The following RHEBL1 variants were observed in gnomAD, a reference collection of about 807,000 sequenced individuals.
RHEBL1 encodes the protein RHEB like 1.
A neutral mutation model predicts 27.4 loss-of-function variants in RHEBL1; 22 were observed. That is an observed-to-expected ratio of 0.80 (90% CI 0.57 to 1.15). The LOEUF is 1.15. Ranked by LOEUF, RHEBL1 falls within the 50% of genes most tolerant of loss-of-function variation. The pLI is 0.00. For synonymous variants in RHEBL1, 85 were observed against 80.8 expected (o/e 1.05, Z -0.28); for missense variants, 186 against 226.5 (o/e 0.82, Z 1.15).
rs1256289022 is a variant in RHEBL1 at position 49,064,935 on chromosome 12, C to A, written c.*168G>T. ...CCCTTTGTAAACATTGACATCCAGG[C>A]CACTGGAGCCTGGGGAAAGTGTGCA... is the stretch of plus-strand genomic sequence containing the variant. On this transcript the variant is annotated 3_prime_UTR_variant, in exon 8 of 8. Coordinates refer to ENST00000301068, the MANE Select transcript of RHEBL1 (RefSeq NM_144593.3). 1.1e-5 allele frequency: 7 copies of A among 610,820 alleles called. No individual in the cohort carries two copies. The highest frequency in any genetic ancestry group is 4.3e-4 in the Middle Eastern group (1 of 2,336). The allele number at this position is 610,820 out of a possible 1,614,324, so 37.8% of individuals were successfully genotyped here.
At chr12:49,069,145 A>C (rs1028041602) in intron 1 of RHEBL1, 39 bp from the exon 2 acceptor site, 2 of 1,613,834 alleles carry the variant, frequency 1.2e-6, no homozygotes, top group Non-Finnish European at 1.7e-6. Flanking sequence ...CAAATCATCC[A>C]TCCACATTCA....
chr12:49,069,811 C>A lies in RHEBL1; in HGVS notation c.-26G>T. ...GGCAGGAGCCCGCCCCAGGGGCTTG[C>A]GGAACTGCGGGCTCAGAGAGCCCGA... On this transcript the variant is annotated 5_prime_UTR_variant, in exon 1 of 8. Coordinates refer to ENST00000301068, the MANE Select transcript of RHEBL1 (RefSeq NM_144593.3). 2 of 1,610,766 alleles carry A rather than the reference C, an allele frequency of 1.2e-6. No homozygotes were observed. Among genetic ancestry groups the A allele is most frequent in the Non-Finnish European group, 1.7e-6 (2 of 1,177,684 alleles).
Position 49,066,717 on chromosome 12 carries a change from A to C in RHEBL1, c.193-16T>G. 1 of 1,608,142 alleles carries C rather than the reference A, an allele frequency of 6.2e-7. No homozygotes were observed. Among genetic ancestry groups the C allele is most frequent in the South Asian group, 1.1e-5 (1 of 90,926 alleles). On this transcript the variant is annotated splice_polypyrimidine_tract_variant and intron_variant, in intron 3 of 7. Transcript: ENST00000301068. ...TGTACTCATCCTGGCAAGAAATGGG[A>C]AACATCAGTACCTAGATCCAAACCA...
chr12:49,065,227 T>G, intron 7 of RHEBL1, 35 bp from the exon 8 acceptor site: 1 of 1,575,306 alleles, frequency 6.3e-7, no homozygotes, highest in South Asian at 1.1e-5. Flanking sequence ...AAAAGTCAGT[T>G]CAGTGCCAAT....
At position 49,065,391 on chromosome 12, in the gene RHEBL1, A is replaced by G. The variant is rs1206765223; in HGVS notation, c.421T>C (p.Trp141Arg). ...GATGACTCCATAAATGTCGCACCCC[A>G]GGACTCTGCCAGCTTCTTTCCTTCA... The part of the protein sequence containing the change: ...AVEGKKLAES[W>R]GATFMESSAR... Residue 141 changes from tryptophan (W) to arginine (R), a missense_variant, in exon 7 of 8, where the codon TGG (tryptophan) becomes CGG (arginine). Trp to Arg is a moderately radical substitution (Grantham distance 101). Coordinates refer to ENST00000301068, the MANE Select transcript of RHEBL1 (RefSeq NM_144593.3). The G allele has an allele frequency of 6.2e-7, 1 of 1,614,190 alleles. No homozygotes were observed. Among genetic ancestry groups the G allele is most frequent in the Non-Finnish European group, 8.5e-7 (1 of 1,180,030 alleles).
Position 49,066,664 on chromosome 12 carries a change from C to G in RHEBL1, c.230G>C (p.Gly77Ala), listed in dbSNP as rs756036237. The change falls in exon 4 of 8, where the codon GGG becomes GCG. Residue 77 changes from glycine to alanine, a missense_variant. Coordinates refer to ENST00000301068, the MANE Select transcript of RHEBL1 (RefSeq NM_144593.3). The part of the protein sequence containing the change: ...YSILPYSFII[G>A]VHGYVLVYSV... ...ATACACAAGCACATAACCATGGACC[C>G]CAATGATGAATGAATAGGGCAGAAT... 1.4e-5 allele frequency: 23 copies of G among 1,613,992 alleles called. No homozygotes were observed. The highest frequency in any genetic ancestry group is 1.9e-5 in the Non-Finnish European group (23 of 1,180,000).
chr12:49,069,768 G>T lies in RHEBL1; in HGVS notation c.18C>A (p.Tyr6Ter). The change falls in exon 1 of 8, where the codon TAC becomes TAA. Residue 6 changes from tyrosine to a stop codon, truncating the protein, a stop_gained. Coordinates refer to ENST00000301068, the MANE Select transcript of RHEBL1 (RefSeq NM_144593.3). LOFTEE classifies it high-confidence loss of function. MPLVR[Y>*]RKVVILGYRC... ...GGTATCCGAGGATGACCACCTTCCT[G>T]TAGCGGACTAGCGGCATGGCAGGAG... is the stretch of plus-strand genomic sequence containing the variant. 6.2e-7 allele frequency: 1 copy of T among 1,613,804 alleles called. No homozygotes were observed. The highest frequency in any genetic ancestry group is 8.5e-7 in the Non-Finnish European group (1 of 1,179,902).
chr12:49,069,486 T>G (rs920211689), intron 1 of RHEBL1, among the ~76,000 whole-genome samples: 1 of 129,128 alleles, frequency 7.7e-6, no homozygotes, highest in Non-Finnish European at 1.8e-5. Flanking sequence ...AAAGTAACGC[T>G]GGGACCACTC....
In RHEBL1 at chr12:49,066,532, G is replaced by A. The variant is rs1457968663; in HGVS notation, c.276C>T (p.Ser92=). ...GGTACAGACTCTCAATGACTTGGAA[G>A]CTTTAAACACAAGAATTGGAGCTAT... ...VLVYSVTSLH[S]FQVIESLYQK... The change falls in exon 5 of 8, where the codon AGC becomes AGT. Residue 92 remains serine (S), a splice_region_variant and synonymous_variant. Transcript: ENST00000301068. 1.9e-6 allele frequency: 3 copies of A among 1,614,092 alleles called. No homozygotes were observed. The highest frequency in any genetic ancestry group is 2.7e-5 in the African/African-American group (2 of 75,004).
intron 3 of RHEBL1, 31 bp from the exon 4 acceptor site, chr12:49,066,732 G>C: frequency 6.3e-7 from 1 of 1,589,578 alleles, no homozygotes; most frequent in South Asian, 1.1e-5. Context: ...TCAGTACCTA[G>C]ATCCAAACCA....
chr12:49,066,068 T>C (rs984571222), intron 6 of RHEBL1, among the ~76,000 whole-genome samples, 163 bp downstream of exon 6: 2 of 152,042 alleles, frequency 1.3e-5, no homozygotes, highest in African/African-American at 2.4e-5. Context: ...AAATATGAAA[T>C]TGTGGCTTTT....
intron 2 of RHEBL1, 87 bp downstream of exon 2, chr12:49,068,948 C>A (rs1247765989): frequency 2.0e-5 from 27 of 1,374,904 alleles, no homozygotes; most frequent in Non-Finnish European, 2.6e-5. Context: ...CCCCTTGGCA[C>A]CAGAGAAATA....
chr12:49,067,171 C>T, intron 2 of RHEBL1, 136 bp from the exon 3 acceptor site: 1 of 602,094 alleles, frequency 1.7e-6, no homozygotes, highest in Admixed American at 2.9e-5. Flanking sequence ...GGCATGATCT[C>T]AGCTCACTGC....
chr12:49,069,280 C>G, intron 1 of RHEBL1, 174 bp from the exon 2 acceptor site: 1 of 1,153,362 alleles, frequency 8.7e-7, no homozygotes, highest in Non-Finnish European at 1.2e-6. Context: ...CACCCAGGGT[C>G]TCCGCACTTT....
chr12:49,066,507 G>T lies in RHEBL1; in HGVS notation c.301C>A (p.Gln101Lys). The change falls in exon 5 of 8, where the codon CAA (glutamine) becomes AAA (lysine). Residue 101 changes from glutamine (Q) to lysine (K), a missense_variant. Transcript: ENST00000301068. ...TTCCCATGGCCTTCATGTAGCTTTTGGTACAGACTCTCAATGACTTGGAAG... is the reference window on the plus strand; with the variant it reads ...TTCCCATGGCCTTCATGTAGCTTTTTGTACAGACTCTCAATGACTTGGAAG... ...HSFQVIESLY[Q>K]KLHEGHGKTR... 1 of 1,613,834 alleles carries T rather than the reference G, an allele frequency of 6.2e-7. No individual in the cohort carries two copies. The highest frequency in any genetic ancestry group is 8.5e-7 in the Non-Finnish European group (1 of 1,179,996).
chr12:49,067,012 C>T lies in RHEBL1; in HGVS notation c.148G>A (p.Gly50Ser), dbSNP rs1450832329. 1.9e-6 allele frequency: 3 copies of T among 1,613,766 alleles called. No individual in the cohort carries two copies. In the Admixed American group the frequency reaches 5.0e-5, roughly 27 times the overall value. ...ENTYSKIVTL[G>S]KDEFHLHLVD... The stretch of plus-strand genomic sequence containing the variant: ...AGATGTAGGTGAAACTCATCTTTGC[C>T]AAGAGTCACTATCTTGCTGTAAGCT... Residue 50 changes from glycine (G) to serine (S), a missense_variant, in exon 3 of 8, where the codon GGC becomes AGC. Coordinates refer to ENST00000301068, the MANE Select transcript of RHEBL1 (RefSeq NM_144593.3).
At chr12:49,068,704 G>C (rs1316091070) in intron 2 of RHEBL1, among the ~76,000 whole-genome samples, 1 of 152,146 alleles carries the variant, frequency 6.6e-6, no homozygotes, top group African/African-American at 2.4e-5. Flanking sequence ...CCAAAGTGCT[G>C]GGATTACAGG....
chr12:49,065,653 C>A (rs965517150), intron 6 of RHEBL1, among the ~76,000 whole-genome samples: 1 of 152,012 alleles, frequency 6.6e-6, no homozygotes, highest in Admixed American at 6.6e-5. Context: ...GGGCCACACG[C>A]GGTTGCTTGT....
At position 49,066,242 on chromosome 12, in the gene RHEBL1, G is replaced by A; in HGVS notation, c.369C>T (p.Leu123=). 4 of 1,613,790 alleles carry A rather than the reference G, an allele frequency of 2.5e-6. No individual in the cohort carries two copies. Among genetic ancestry groups the A allele is most frequent in the East Asian group, 2.2e-5 (1 of 44,884 alleles). The part of the protein sequence containing the change: ...PVVLVGNKAD[L]SPEREVQAVE... The stretch of plus-strand genomic sequence containing the variant: ...AGAGATTTACATACCTCTCTGGAGA[G>A]AGATCTGCCTTGTTCCCCACTAGAA... The change falls in exon 6 of 8, where the codon CTC becomes CTT. Residue 123 remains leucine (L), a synonymous_variant. Coordinates refer to ENST00000301068, the MANE Select transcript of RHEBL1 (RefSeq NM_144593.3).
Sources: gnomAD v4.1 joint callset for allele counts (sites outside exome capture counted in the v4.1 genomes callset) on GRCh38, gnomAD v4.1.1 for gene constraint, MANE v1.5 for transcripts, NCBI Gene and HGNC (gene_info 2026-07-23, HGNC 2026-07-21) for gene names.